Variants in AGTR1 observed in about 807,000 individuals in gnomAD.
The protein encoded by AGTR1 is type-1 angiotensin II receptor.
A neutral mutation model predicts 19.4 loss-of-function variants in AGTR1; 16 were observed. The observed-to-expected ratio is 0.82, with a 90% confidence interval of 0.56 to 1.25. The LOEUF (loss-of-function observed/expected upper bound fraction) is 1.25, where lower values mean the gene tolerates loss of function less well. Among genes scored for constraint, AGTR1 ranks in the 50% most tolerant of loss-of-function variants. The pLI is 0.00. For synonymous variants in AGTR1, 153 were observed against 154.9 expected, an observed-to-expected ratio of 0.99 and a Z score of 0.09; for missense variants, 373 against 431.9, an observed-to-expected ratio of 0.86 and a Z score of 1.21.
chr3:148,708,998 C>A (rs12721315), intron 2 of AGTR1, among the ~76,000 whole-genome samples: 29,812 of 152,132 alleles, frequency 0.2, 3,250 homozygotes, highest in African/African-American at 0.28. Context: ...CTGGAAGGTA[C>A]TCCACAGTGG....
intron 2 of AGTR1, among the ~76,000 whole-genome samples, chr3:148,724,749 C>G (rs1272950053): frequency 2.6e-5 from 4 of 152,064 alleles, no homozygotes. Context: ...TATAAAGAAA[C>G]CATGTAATTT....
intron 2 of AGTR1, among the ~76,000 whole-genome samples, chr3:148,717,929 G>A (rs1432914659): frequency 6.6e-6 from 1 of 152,150 alleles, no homozygotes. Context: ...CAATTTGCCT[G>A]CAAATACATA....
chr3:148,706,212 C>CT (rs1559922262), intron 1 of AGTR1, among the ~76,000 whole-genome samples: 1 of 150,388 alleles, frequency 6.6e-6, no homozygotes, highest in African/African-American at 2.5e-5. Context: ...CCCTTTCTGT[C>CT]ATTTTTTTTT....
chr3:148,699,269 C>T (rs893854864), intron 1 of AGTR1, among the ~76,000 whole-genome samples: 3 of 152,192 alleles, frequency 2.0e-5, no homozygotes, highest in Non-Finnish European at 2.9e-5. Context: ...GAAGATGCTG[C>T]ATCCCAACAT....
intron 2 of AGTR1, among the ~76,000 whole-genome samples, chr3:148,714,705 C>T (rs188205369): frequency 3.3e-5 from 5 of 152,222 alleles, no homozygotes; most frequent in Admixed American, 3.3e-4. Flanking sequence ...ATAATTTAGT[C>T]ATCGATGACT....
rs766907479 is a variant in AGTR1 at position 148,741,442 on chromosome 3, C to A, written c.407C>A (p.Ser136Tyr). The A allele has an allele frequency of 6.2e-7, 1 of 1,608,706 alleles. No individual in the cohort carries two copies. Among genetic ancestry groups the A allele is most frequent in the Non-Finnish European group, 8.5e-7 (1 of 1,179,758 alleles). ...CTGGCTATTGTTCACCCAATGAAGT[C>A]CCGCCTTCGACGCACAATGCTTGTA... ...RYLAIVHPMK[S>Y]RLRRTMLVAK... The change falls in exon 3 of 3, where the codon TCC becomes TAC. Residue 136 changes from serine (S) to tyrosine (Y), a missense_variant. Ser to Tyr is a moderately radical substitution (Grantham distance 144). Transcript: ENST00000349243.
chr3:148,700,505 G>T (rs1460250443), intron 1 of AGTR1, among the ~76,000 whole-genome samples: 1 of 152,032 alleles, frequency 6.6e-6, no homozygotes, highest in African/African-American at 2.4e-5. Flanking sequence ...AGGTGTTTTG[G>T]CTGCTTAATG....
At chr3:148,699,820 CT>C (rs945463288) in intron 1 of AGTR1, among the ~76,000 whole-genome samples, 9 of 152,268 alleles carry the variant, frequency 5.9e-5, no homozygotes, top group Middle Eastern at 6.8e-3. Context: ...TTTTTTCCCC[CT>C]GACTTCATTG....
intron 2 of AGTR1, among the ~76,000 whole-genome samples, chr3:148,712,883 A>C (rs1713076302): frequency 6.6e-6 from 1 of 152,186 alleles, no homozygotes; most frequent in Non-Finnish European, 1.5e-5. Context: ...ACAAAGAAGG[A>C]GCGCTGGAAA....
intron 2 of AGTR1, among the ~76,000 whole-genome samples, chr3:148,736,763 G>A (rs1377411904): frequency 1.3e-5 from 2 of 152,150 alleles, no homozygotes; most frequent in African/African-American, 4.8e-5. Flanking sequence ...TTCTCTAAGG[G>A]GAAATGGTGC....
Position 148,716,734 on chromosome 3 carries a change from T to A in AGTR1, c.-48+8707T>A, listed in dbSNP as rs919896523. On this transcript the variant is annotated intron_variant, in intron 2 of 2. Coordinates refer to ENST00000349243, the MANE Select transcript of AGTR1 (RefSeq NM_000685.5). The surrounding 1 kb of genome is among the most constrained non-coding windows in gnomAD (Gnocchi z 4.7). ...CATCTCTAAGTCACAAGGAGTGGAA[T>A]AATCAAAGTTGCATTTTAAGCAAGA... is the stretch of plus-strand genomic sequence containing the variant. 2.0e-5 allele frequency among the ~76,000 whole-genome samples: 3 copies of A among 152,204 alleles called. No homozygotes were observed. The highest frequency in any genetic ancestry group is 6.6e-5 in the Admixed American group (1 of 15,264).
At chr3:148,703,577 A>C (rs1712479269) in intron 1 of AGTR1, among the ~76,000 whole-genome samples, 1 of 152,254 alleles carries the variant, frequency 6.6e-6, no homozygotes, top group East Asian at 1.9e-4. Context: ...ACCCTGTGAG[A>C]TAGTTTCTGT....
chr3:148,735,111 C>G (rs1253160729), intron 2 of AGTR1, among the ~76,000 whole-genome samples: 1 of 152,046 alleles, frequency 6.6e-6, no homozygotes, highest in African/African-American at 2.4e-5. Flanking sequence ...AAGTCAGGAC[C>G]AGTAGGCACA....
chr3:148,730,500 A>G, intron 2 of AGTR1: 1 of 306,646 alleles, frequency 3.3e-6, no homozygotes, highest in Non-Finnish European at 5.9e-6. Flanking sequence ...AGAAATCTGC[A>G]GTTTAATGAG....
rs559753859 is a variant in AGTR1 at position 148,740,746 on chromosome 3, T to C, written c.-47-243T>C. On this transcript the variant is annotated intron_variant, in intron 2 of 2. Coordinates refer to ENST00000349243, the MANE Select transcript of AGTR1 (RefSeq NM_000685.5). ...AAGGACCTAGATAGGTTTATTCACA[T>C]AGAATCCCAATTTCACTTCTCTGGA... 1.6e-4 allele frequency among the ~76,000 whole-genome samples: 25 copies of C among 152,358 alleles called. 1 individual carries two copies. The South Asian group carries it at 5.2e-3, about 32-fold the overall frequency.
In AGTR1 at chr3:148,716,357, G is replaced by A. The variant is rs1456656320; in HGVS notation, c.-48+8330G>A. ...TCTTTAAACTGAAATATAATCCAAA[G>A]AGAACAAGATCTAGTAGAATTTCAG... On this transcript the variant is annotated intron_variant, in intron 2 of 2. Transcript: ENST00000349243. The surrounding 1 kb of genome is among the most constrained non-coding windows in gnomAD (Gnocchi z 4.7). Among the ~76,000 whole-genome samples, 4 of 152,152 alleles carry A rather than the reference G, an allele frequency of 2.6e-5. No individual in the cohort carries two copies. Among genetic ancestry groups the A allele is most frequent in the African/African-American group, 9.7e-5 (4 of 41,428 alleles).
chr3:148,734,442 C>A (rs2107965601), intron 2 of AGTR1, among the ~76,000 whole-genome samples: 1 of 152,198 alleles, frequency 6.6e-6, no homozygotes, highest in East Asian at 1.9e-4. Context: ...GTTTTTATTT[C>A]TTGTGAGGTC....
intron 1 of AGTR1, among the ~76,000 whole-genome samples, chr3:148,706,188 T>C (rs901235570): frequency 2.2e-4 from 34 of 151,886 alleles, no homozygotes; most frequent in African/African-American, 7.8e-4. Flanking sequence ...TGGAGAATGG[T>C]ACTATAAATC....
At chr3:148,709,704 C>G (rs1409608215) in intron 2 of AGTR1, among the ~76,000 whole-genome samples, 1 of 152,128 alleles carries the variant, frequency 6.6e-6, no homozygotes, top group African/African-American at 2.4e-5. Flanking sequence ...AAAGTGTTCA[C>G]AAAAGGACCT....
Sources: gnomAD v4.1 joint callset for allele counts (sites outside exome capture counted in the v4.1 genomes callset) on GRCh38, gnomAD v4.1.1 for gene constraint, Gnocchi (gnomAD v3.1) non-coding constraint, MANE v1.5 for transcripts, NCBI Gene and HGNC (gene_info 2026-07-23, HGNC 2026-07-21) for gene names.